NEFL: variants seen among roughly 807,000 people sequenced by gnomAD.
NEFL encodes the protein neurofilament light polypeptide.
Under a neutral mutation model 51.6 loss-of-function variants are expected in NEFL, and 36 were observed. That is an observed-to-expected ratio of 0.70 (90% CI 0.53 to 0.92). The LOEUF (loss-of-function observed/expected upper bound fraction) is 0.92, where lower values mean the gene tolerates loss of function less well. Ranked by LOEUF, NEFL falls within the 40% of genes least tolerant of loss-of-function variation. The pLI is 0.00. For synonymous variants in NEFL, 332 were observed against 302.5 expected, an observed-to-expected ratio of 1.10 and a Z score of -1.01; for missense variants, 671 against 722.0, an observed-to-expected ratio of 0.93 and a Z score of 0.81.
Position 24,955,393 on chromosome 8 carries a change from T to A in NEFL, c.1044+79A>T. On this transcript the variant is annotated intron_variant, in intron 1 of 3. Transcript: ENST00000610854. The surrounding 1 kb of genome is among the most constrained non-coding windows in gnomAD (Gnocchi z 4.0). ...GAGCTGCGTGCAGCCGCACCACCCC[T>A]GGTCTCCACTTTCTGGGCGCACCAA... 1 of 1,389,626 alleles carries A rather than the reference T, an allele frequency of 7.2e-7. No homozygotes were observed. The highest frequency in any genetic ancestry group is 1.4e-5 in the South Asian group (1 of 72,534). 86.1% of individuals were successfully genotyped at this position (1,389,626 alleles called of 1,614,324 possible). A position where few individuals can be genotyped will look rare whatever the true frequency, so the allele number is the denominator to read the frequency against.
rs975745726 is a variant in NEFL at position 24,953,494 on chromosome 8, C to G, written c.1471G>C (p.Ala491Pro). 4 of 1,588,904 alleles carry G rather than the reference C, an allele frequency of 2.5e-6. No individual in the cohort carries two copies. In the African/African-American group the frequency reaches 5.4e-5, roughly 21 times the overall value. The change falls in exon 3 of 4, where the codon GCA becomes CCA. Residue 491 changes from alanine to proline, a missense_variant. Coordinates refer to ENST00000610854, the MANE Select transcript of NEFL (RefSeq NM_006158.5). ...KDKEEAEEEEAAEEEEAAKEE... is the reference protein window; with the variant it reads ...KDKEEAEEEEPAEEEEAAKEE... ...ATCATACCTTCTTCCTCTTCAGCTG[C>G]CTCCTCTTCCTCGGCCTCTTCCTTG...
In NEFL at chr8:24,952,927, TG is replaced by T; in HGVS notation, c.1514del (p.Ala505GlufsTer45). ...EEAAKEESEE[A>X]KEEEEGGEGE... Reference sequence around the variant, plus strand: ...CTTCACCTCCTTCTTCTTCTTCTTTTGCTTCTTCAGACTCTTCCTTGGCAGC... The same window carrying T: ...CTTCACCTCCTTCTTCTTCTTCTTTTCTTCTTCAGACTCTTCCTTGGCAGC... On this transcript the variant is annotated frameshift_variant, in exon 4 of 4. Coordinates refer to ENST00000610854, the MANE Select transcript of NEFL (RefSeq NM_006158.5). LOFTEE classifies it high-confidence loss of function. The T allele has an allele frequency of 6.2e-7, 1 of 1,612,284 alleles. No individual in the cohort carries two copies. The highest frequency in any genetic ancestry group is 8.5e-7 in the Non-Finnish European group (1 of 1,179,066).
rs760765563 is a variant in NEFL, at chr8:24,954,270, G to T, written c.1080C>A (p.Thr360=). ...GGTATCGTGCCATTTCACTCTTTGT[G>T]GTCCTCAATTCATTTTCTAATTTGT... ...TINKLENELR[T]TKSEMARYLK... is the part of the protein sequence containing the mutation. The change falls in exon 2 of 4, where the codon ACC becomes ACA. Residue 360 remains threonine, a synonymous_variant. Transcript: ENST00000610854. 9.3e-6 allele frequency: 15 copies of T among 1,613,346 alleles called. No individual in the cohort carries two copies. The highest frequency in any genetic ancestry group is 1.3e-5 in the Non-Finnish European group (15 of 1,179,740).
chr8:24,956,561 GGAGA>G lies in NEFL; in HGVS notation c.-50_-47del. ...CGGCCCGCGGCGGCGGTGGGAGCCC[GGAGA>G]GAGAGGACAGGGGAGAGAGGGAAGG... On this transcript the variant is annotated 5_prime_UTR_variant, in exon 1 of 4. Transcript: ENST00000610854. This position sits in a 1 kb window ranked among gnomAD's most constrained non-coding sequence, Gnocchi z 5.9. 6.6e-7 allele frequency: 1 copy of G among 1,522,660 alleles called. No homozygotes were observed. Among genetic ancestry groups the G allele is most frequent in the African/African-American group, 1.4e-5 (1 of 72,726 alleles). The allele number at this position is 1,522,660 out of a possible 1,614,324, so 94.3% of individuals were successfully genotyped here.
At chr8:24,954,352 C>G in intron 1 of NEFL, 47 bp from the exon 2 acceptor site, 1 of 1,601,980 alleles carries the variant, frequency 6.2e-7, no homozygotes, top group Non-Finnish European at 8.5e-7. Flanking sequence ...GAGCATAAAT[C>G]CCTTCTATTA....
rs267607676 is a variant in NEFL at position 24,954,323 on chromosome 8, T to TA, written c.1045-19dup. The TA allele has an allele frequency of 1.9e-6, 3 of 1,596,134 alleles. No individual in the cohort carries two copies. The highest frequency in any genetic ancestry group is 1.8e-5 in the Admixed American group (1 of 55,324). On this transcript the variant is annotated intron_variant, in intron 1 of 3. Transcript: ENST00000610854. ...ATCGTGTCCTGTTTGAAGACAAAAATAAAACAAAAAAAAAATCCGAGCATA... is the reference window on the plus strand; with the variant it reads ...ATCGTGTCCTGTTTGAAGACAAAAATAAAAACAAAAAAAAAATCCGAGCATA...
At position 24,954,267 on chromosome 8, in the gene NEFL, T is replaced by G; in HGVS notation, c.1083A>C (p.Thr361=). ...INKLENELRT[T]KSEMARYLKE... ...TTAGGTATCGTGCCATTTCACTCTT[T>G]GTGGTCCTCAATTCATTTTCTAATT... The change falls in exon 2 of 4, where the codon ACA becomes ACC. Residue 361 remains threonine (T), a synonymous_variant. Transcript: ENST00000610854. 6.2e-7 allele frequency: 1 copy of G among 1,613,910 alleles called. No homozygotes were observed. The highest frequency in any genetic ancestry group is 8.5e-7 in the Non-Finnish European group (1 of 1,179,846).
chr8:24,954,120 A>G, intron 2 of NEFL, 61 bp downstream of exon 2: 1 of 1,604,012 alleles, frequency 6.2e-7, no homozygotes, highest in Non-Finnish European at 8.5e-7. Flanking sequence ...CATAACTTTA[A>G]ATGGGATCTG....
rs1352936464 is a variant in NEFL at position 24,952,131 on chromosome 8, A to T, written c.*679T>A. On this transcript the variant is annotated 3_prime_UTR_variant, in exon 4 of 4. Transcript: ENST00000610854. The stretch of plus-strand genomic sequence containing the variant: ...GTGTTATGAGGCAAAGTCTATTGTT[A>T]TTTATAGACTTTCTCATTTACTCAT... 1 of 152,604 alleles carries T rather than the reference A, an allele frequency of 6.6e-6. No homozygotes were observed. The highest frequency in any genetic ancestry group is 1.5e-5 in the Non-Finnish European group (1 of 68,040). The allele number at this position is 152,604 out of a possible 1,614,324, so 9.5% of individuals were successfully genotyped here. A position where few individuals can be genotyped will look rare whatever the true frequency, so the allele number is the denominator to read the frequency against.
Position 24,955,490 on chromosome 8 carries a change from G to C in NEFL, c.1026C>G (p.Ala342=), listed in dbSNP as rs35596950. 3.1e-4 allele frequency: 493 copies of C among 1,608,380 alleles called. 1 individual carries two copies. The African/African-American group carries it at 6.1e-3, about 20-fold the overall frequency. The change falls in exon 1 of 4, where the codon GCC becomes GCG. Residue 342 remains alanine, a synonymous_variant. Transcript: ENST00000610854. The surrounding 1 kb of genome is among the most constrained non-coding windows in gnomAD (Gnocchi z 4.0). ...QLQELEDKQN[A]DISAMQDTIN... ...GCCGCACCTGCATAGCGCTGATGTC[G>C]GCGTTCTGCTTGTCCTCCAGCTCCT...
At chr8:24,954,695 G>A (rs1803018451) in intron 1 of NEFL, among the ~76,000 whole-genome samples, 1 of 151,736 alleles carries the variant, frequency 6.6e-6, no homozygotes, top group Admixed American at 6.6e-5. Context: ...AAAATAGCCA[G>A]ATGTAAACAA....
rs768884879 is a variant in NEFL, at chr8:24,952,955, T to G, written c.1490-3A>C. On this transcript the variant is annotated splice_polypyrimidine_tract_variant and splice_region_variant and intron_variant, in intron 3 of 3. Transcript: ENST00000610854. ...TTCTTCAGACTCTTCCTTGGCAGCTTTAACATAAAAAGAAAATGTACAAAA... is the reference window on the plus strand; with the variant it reads ...TTCTTCAGACTCTTCCTTGGCAGCTGTAACATAAAAAGAAAATGTACAAAA... The G allele has an allele frequency of 2.1e-5, 33 of 1,606,632 alleles. No individual in the cohort carries two copies. Among genetic ancestry groups the G allele is most frequent in the Non-Finnish European group, 2.8e-5 (33 of 1,177,246 alleles).
rs1276708918 is a variant in NEFL, at chr8:24,955,287, C to T, written c.1044+185G>A. On this transcript the variant is annotated intron_variant, in intron 1 of 3. Coordinates refer to ENST00000610854, the MANE Select transcript of NEFL (RefSeq NM_006158.5). The surrounding 1 kb of genome is among the most constrained non-coding windows in gnomAD (Gnocchi z 4.0). Reference sequence around the variant, plus strand: ...CAGCAGCACGGAGCACACTCCCAGACTACAGTGGCGCCCGCACTCACGCCC... The same window carrying T: ...CAGCAGCACGGAGCACACTCCCAGATTACAGTGGCGCCCGCACTCACGCCC... 1 of 628,632 alleles carries T rather than the reference C, an allele frequency of 1.6e-6. No individual in the cohort carries two copies. Among genetic ancestry groups the T allele is most frequent in the African/African-American group, 1.8e-5 (1 of 54,328 alleles). The allele number at this position is 628,632 out of a possible 1,614,324, so 38.9% of individuals were successfully genotyped here. A position where few individuals can be genotyped will look rare whatever the true frequency, so the allele number is the denominator to read the frequency against.
Position 24,955,555 on chromosome 8 carries a change from C to T in NEFL, c.961G>A (p.Ala321Thr). ...AGCGCTTCATTCATGCCCCGGCATG[C>T]TTCGATTTCCAGGGTCTTGGCCTTG... is the stretch of plus-strand genomic sequence containing the variant. ...LLKAKTLEIE[A>T]CRGMNEALEK... The change falls in exon 1 of 4, where the codon GCA (alanine) becomes ACA (threonine). Residue 321 changes from alanine to threonine, a missense_variant. Coordinates refer to ENST00000610854, the MANE Select transcript of NEFL (RefSeq NM_006158.5). This position sits in a 1 kb window ranked among gnomAD's most constrained non-coding sequence, Gnocchi z 4.0. 1 of 1,613,718 alleles carries T rather than the reference C, an allele frequency of 6.2e-7. No homozygotes were observed. Among genetic ancestry groups the T allele is most frequent in the Non-Finnish European group, 8.5e-7 (1 of 1,179,876 alleles).
At position 24,953,443 on chromosome 8, in the gene NEFL, A is replaced by T. The variant is rs1802996148; in HGVS notation, c.1489+33T>A. 1.9e-6 allele frequency: 3 copies of T among 1,546,996 alleles called. No individual in the cohort carries two copies. In the African/African-American group the frequency reaches 4.1e-5, roughly 21 times the overall value. ...TAACAAATCTCCACACCCAGTTTACACTTGAAGTTGCAGGGGTTTTTTCTT... is the reference window on the plus strand; with the variant it reads ...TAACAAATCTCCACACCCAGTTTACTCTTGAAGTTGCAGGGGTTTTTTCTT... On this transcript the variant is annotated intron_variant, in intron 3 of 3. Coordinates refer to ENST00000610854, the MANE Select transcript of NEFL (RefSeq NM_006158.5).
Position 24,955,945 on chromosome 8 carries a change from G to C in NEFL, c.571C>G (p.Arg191Gly). Residue 191 changes from arginine (R) to glycine (G), a missense_variant, in exon 1 of 4, where the codon CGG becomes GGG. Transcript: ENST00000610854. This position sits in a 1 kb window ranked among gnomAD's most constrained non-coding sequence, Gnocchi z 4.0. ...GCGCCTTTGCGCGCTTCCATCAGCC[G>C]GCCCTCGGCGTCCTCGCGGCTCAGC... ...EVLSREDAEG[R>G]LMEARKGADE... 1 of 1,603,016 alleles carries C rather than the reference G, an allele frequency of 6.2e-7. No homozygotes were observed. Among genetic ancestry groups the C allele is most frequent in the Non-Finnish European group, 8.5e-7 (1 of 1,179,206 alleles).
In NEFL at chr8:24,953,815, G is replaced by A; in HGVS notation, c.1170-20C>T. ...AGTTTCCTGGGGATGCAGATGCAAG[G>A]TGAGGTTAAAAAACACCTGTGTTTC... is the stretch of plus-strand genomic sequence containing the variant. On this transcript the variant is annotated intron_variant, in intron 2 of 3. Transcript: ENST00000610854. The A allele has an allele frequency of 1.3e-6, 2 of 1,590,672 alleles. No homozygotes were observed. The highest frequency in any genetic ancestry group is 1.7e-6 in the Non-Finnish European group (2 of 1,167,680).
intron 3 of NEFL, 51 bp from the exon 4 acceptor site, chr8:24,953,003 T>C: frequency 6.5e-7 from 1 of 1,544,848 alleles, no homozygotes; most frequent in East Asian, 2.3e-5. Context: ...GTAAGTCCAG[T>C]CAAAACATGT....
In NEFL at chr8:24,953,758, T is replaced by C. The variant is rs772662717; in HGVS notation, c.1207A>G (p.Thr403Ala). 2 of 1,613,476 alleles carry C rather than the reference T, an allele frequency of 1.2e-6. No individual in the cohort carries two copies. Among genetic ancestry groups the C allele is most frequent in the South Asian group, 2.2e-5 (2 of 91,038 alleles). ...LEGEETRLSF[T>A]SVGSITSGYS... ...CCACTGGTTATGCTTCCCACGCTGG[T>C]GAAACTGAGTCGGGTCTCCTCGCCT... The change falls in exon 3 of 4, where the codon ACC (threonine) becomes GCC (alanine). Residue 403 changes from threonine (T) to alanine (A), a missense_variant. Transcript: ENST00000610854.
Sources: gnomAD v4.1 joint callset for allele counts (sites outside exome capture counted in the v4.1 genomes callset) on GRCh38, gnomAD v4.1.1 for gene constraint, Gnocchi (gnomAD v3.1) non-coding constraint, MANE v1.5 for transcripts, NCBI Gene and HGNC (gene_info 2026-07-23, HGNC 2026-07-21) for gene names.